KCNQ2: variants seen among roughly 807,000 people sequenced by gnomAD.
KCNQ2 encodes potassium voltage-gated channel subfamily KQT member 2.
A neutral mutation model predicts 84.8 loss-of-function variants in KCNQ2; 14 were observed. That is an observed-to-expected ratio of 0.17 (90% CI 0.11 to 0.26). KCNQ2 has a LOEUF of 0.26. Ranked by LOEUF, KCNQ2 falls within the 10% of genes least tolerant of loss-of-function variation. The pLI, the probability that KCNQ2 is intolerant of heterozygous loss-of-function variation, is 1.00. For missense variants in KCNQ2, 788 were observed against 1,254.0 expected, an observed-to-expected ratio of 0.63 and a Z score of 5.61; for synonymous variants, 599 against 554.1, an observed-to-expected ratio of 1.08 and a Z score of -1.14.
intron 1 of KCNQ2, among the ~76,000 whole-genome samples, chr20:63,465,435 C>T (rs913621530): frequency 2.6e-5 from 4 of 152,180 alleles, no homozygotes; most frequent in Admixed American, 6.5e-5. Context: ...GACAGAGCCT[C>T]CTCCTGCAGG....
intron 1 of KCNQ2, chr20:63,449,318 A>G (rs2081535826): frequency 6.6e-6 from 1 of 152,316 alleles, no homozygotes; most frequent in Non-Finnish European, 1.5e-5. Flanking sequence ...CTTTCACGCT[A>G]TGAGCAGCTG....
intron 12 of KCNQ2, among the ~76,000 whole-genome samples, chr20:63,416,608 G>A (rs937490111): frequency 6.6e-6 from 1 of 152,276 alleles, no homozygotes; most frequent in Non-Finnish European, 1.5e-5. Context: ...CGGGTGGGGA[G>A]GCCCCGCAGA....
At chr20:63,463,968 TC>T (rs1171309132) in intron 1 of KCNQ2, 1 of 151,720 alleles carries the variant, frequency 6.6e-6, no homozygotes, top group Non-Finnish European at 1.5e-5. Flanking sequence ...GATGGGAGAC[TC>T]CGATTGTTCA....
At position 63,403,576 on chromosome 20, in the gene KCNQ2, TG is replaced by T. The variant is rs2079852811; in HGVS notation, c.*3067del. 1.3e-5 allele frequency: 2 copies of T among 152,380 alleles called. No individual in the cohort carries two copies. The highest frequency in any genetic ancestry group is 1.3e-4 in the Admixed American group (2 of 15,290). The allele number at this position is 152,380 out of a possible 1,614,324, so 9.4% of individuals were successfully genotyped here. ...TGTGTGTGAGCTACACGTGTGTGCA[TG>T]TGTGTGATCTGTGCACGTGTACATG... On this transcript the variant is annotated 3_prime_UTR_variant, in exon 17 of 17. Transcript: ENST00000359125.
At chr20:63,423,922 CGAGAAG>C in intron 11 of KCNQ2, 1 of 536,540 alleles carries the variant, frequency 1.9e-6, no homozygotes, top group Non-Finnish European at 3.4e-6. Context: ...CCCCCACCCC[CGAGAAG>C]CCGCCCAGCT....
chr20:63,424,280 C>T, intron 10 of KCNQ2, 74 bp from the exon 11 acceptor site: 1 of 1,505,204 alleles, frequency 6.6e-7, no homozygotes, highest in East Asian at 2.5e-5. Context: ...CAGTCCAGCC[C>T]CCCACAGTCC....
chr20:63,424,973 C>T (rs1050781508), intron 10 of KCNQ2, among the ~76,000 whole-genome samples: 7 of 152,176 alleles, frequency 4.6e-5, no homozygotes, highest in African/African-American at 7.2e-5. Context: ...ACCGTGTTGC[C>T]GTGGAACATG....
At chr20:63,418,933 C>T (rs773392593) in intron 12 of KCNQ2, among the ~76,000 whole-genome samples, 11 of 152,200 alleles carry the variant, frequency 7.2e-5, no homozygotes, top group Non-Finnish European at 1.5e-4. Context: ...CACAGGAGCA[C>T]GACACAGCCA....
chr20:63,421,704 C>G (rs746179644), intron 11 of KCNQ2, among the ~76,000 whole-genome samples: 2 of 152,160 alleles, frequency 1.3e-5, no homozygotes, highest in African/African-American at 2.4e-5. Flanking sequence ...GGAGCCCGCA[C>G]AGGCATGAGG....
At chr20:63,439,382 GCTC>G (rs2081092449) in intron 6 of KCNQ2, among the ~76,000 whole-genome samples, 1 of 152,226 alleles carries the variant, frequency 6.6e-6, no homozygotes, top group African/African-American at 2.4e-5. Context: ...CCTTGGGCAT[GCTC>G]CTGTCGGGGC....
intron 15 of KCNQ2, chr20:63,411,791 G>A: frequency 3.1e-6 from 2 of 653,840 alleles, no homozygotes; most frequent in Non-Finnish European, 5.6e-6. Context: ...GAGTACTGGG[G>A]TGACTCTCTC....
intron 15 of KCNQ2, chr20:63,412,177 G>T: frequency 2.7e-6 from 1 of 364,936 alleles, no homozygotes; most frequent in Admixed American, 4.6e-5. Context: ...AGCAGGAGCC[G>T]GTACCAGACA....
Position 63,408,349 on chromosome 20 carries a change from C to A in KCNQ2, c.1887+64G>T. 2 of 1,591,938 alleles carry A rather than the reference C, an allele frequency of 1.3e-6. No individual in the cohort carries two copies. The highest frequency in any genetic ancestry group is 1.7e-6 in the Non-Finnish European group (2 of 1,174,134). ...ACCCAGCCCCTGAAGCCCACACTGC[C>A]ACAGGTTGACGGCAGGCACCACAGC... On this transcript the variant is annotated intron_variant, in intron 16 of 16. Coordinates refer to ENST00000359125, the MANE Select transcript of KCNQ2 (RefSeq NM_172107.4). The surrounding 1 kb of genome is among the most constrained non-coding windows in gnomAD (Gnocchi z 5.0).
chr20:63,455,129 G>C (rs2081742497), intron 1 of KCNQ2, among the ~76,000 whole-genome samples: 1 of 152,174 alleles, frequency 6.6e-6, no homozygotes, highest in Non-Finnish European at 1.5e-5. Flanking sequence ...GAAGACGATG[G>C]GAGGATGGGA....
intron 5 of KCNQ2, among the ~76,000 whole-genome samples, chr20:63,440,735 A>G (rs2081137348): frequency 6.6e-6 from 1 of 152,106 alleles, no homozygotes; most frequent in African/African-American, 2.4e-5. Context: ...GCTGGGCCGC[A>G]CCTGCTCCAC....
intron 7 of KCNQ2, among the ~76,000 whole-genome samples, chr20:63,434,942 C>T (rs1447229025): frequency 6.6e-6 from 1 of 152,230 alleles, no homozygotes; most frequent in African/African-American, 2.4e-5. Context: ...TTGTGTCTGT[C>T]TATACCTAGA....
At chr20:63,413,703 C>T in intron 14 of KCNQ2, 122 bp from the exon 15 acceptor site, 4 of 1,122,118 alleles carry the variant, frequency 3.6e-6, no homozygotes, top group African/African-American at 1.5e-5. Flanking sequence ...CCCCTCTTGT[C>T]TGCCGCCCAC....
In KCNQ2 at chr20:63,455,540, C is replaced by T. The variant is rs545928151; in HGVS notation, c.297-8703G>A. ...CAGTCACAGACTGAGCATGGAGCAG[C>T]GGGGGATCTCCTCCTGGGACCTGGG... On this transcript the variant is annotated intron_variant, in intron 1 of 16. Coordinates refer to ENST00000359125, the MANE Select transcript of KCNQ2 (RefSeq NM_172107.4). Among the ~76,000 whole-genome samples, 5 of 152,170 alleles carry T rather than the reference C, an allele frequency of 3.3e-5. No individual in the cohort carries two copies. In the South Asian group the frequency reaches 8.3e-4, roughly 25 times the overall value.
chr20:63,441,206 G>A (rs1266121492), intron 5 of KCNQ2, among the ~76,000 whole-genome samples: 1 of 149,232 alleles, frequency 6.7e-6, no homozygotes, highest in Admixed American at 6.7e-5. Flanking sequence ...AGGTGAGGGC[G>A]GGGTTCCCCC....
Sources: gnomAD v4.1 joint callset for allele counts (sites outside exome capture counted in the v4.1 genomes callset) on GRCh38, gnomAD v4.1.1 for gene constraint, Gnocchi (gnomAD v3.1) non-coding constraint, MANE v1.5 for transcripts, NCBI Gene and HGNC (gene_info 2026-07-23, HGNC 2026-07-21) for gene names.